USP34: variants seen among roughly 807,000 people sequenced by gnomAD.
USP34 encodes the protein ubiquitin carboxyl-terminal hydrolase 34.
In USP34, 70 loss-of-function variants were observed where a neutral mutation model predicts 460.3. The ratio of observed to expected loss-of-function variants is 0.15; its 90% CI spans 0.13 to 0.19. USP34 has a LOEUF of 0.19. USP34 is among the 10% of genes least tolerant of loss of function. The pLI is 1.00. For missense variants in USP34, 3,985 were observed against 4,236.2 expected (o/e 0.94, Z 1.65); for synonymous variants, 1,647 against 1,405.3 (o/e 1.17, Z -3.85).
intron 30 of USP34, among the ~76,000 whole-genome samples, chr2:61,295,584 T>C (rs1457651619): frequency 1.3e-5 from 2 of 152,212 alleles, no homozygotes; most frequent in Non-Finnish European, 2.9e-5. Flanking sequence ...TGTGATCTAG[T>C]TGAGTGGGTA....
intron 29 of USP34, among the ~76,000 whole-genome samples, 155 bp from the exon 30 acceptor site, chr2:61,297,080 ATT>A (rs1424854315): frequency 2.0e-5 from 3 of 152,254 alleles, no homozygotes; most frequent in African/African-American, 7.2e-5. Flanking sequence ...TATGATACAT[ATT>A]TGAGAAAATT....
At chr2:61,439,439 C>G (rs928317816) in intron 1 of USP34, among the ~76,000 whole-genome samples, 1 of 152,122 alleles carries the variant, frequency 6.6e-6, no homozygotes, top group Non-Finnish European at 1.5e-5. Flanking sequence ...CCATTCTGTC[C>G]GGCCATCCTG....
At chr2:61,449,275 G>A (rs1478801636) in intron 1 of USP34, among the ~76,000 whole-genome samples, 1 of 149,518 alleles carries the variant, frequency 6.7e-6, no homozygotes. Context: ...AAAAAAGTAG[G>A]AAACTACAAA....
Position 61,413,887 on chromosome 2 carries a change from C to T in USP34, c.131+6859G>A, listed in dbSNP as rs558064473. On this transcript the variant is annotated intron_variant, in intron 2 of 79. Coordinates refer to ENST00000398571, the MANE Select transcript of USP34 (RefSeq NM_014709.4). ...CGGAGGCTGCAGTGAGCCAAGATCG[C>T]GCCATTGCACTCCATCCTGGCGATA... 2.7e-5 allele frequency among the ~76,000 whole-genome samples: 4 copies of T among 148,936 alleles called. No homozygotes were observed. The East Asian group carries it at 5.9e-4, about 22-fold the overall frequency.
chr2:61,260,052 A>T (rs1292434750), intron 43 of USP34, among the ~76,000 whole-genome samples: 1 of 152,238 alleles, frequency 6.6e-6, no homozygotes, highest in African/African-American at 2.4e-5. Context: ...TACAATGCTG[A>T]TGATTTCCAA....
intron 1 of USP34, among the ~76,000 whole-genome samples, chr2:61,439,632 C>T (rs575800099): frequency 5.9e-5 from 9 of 152,276 alleles, no homozygotes; most frequent in Admixed American, 5.2e-4. Flanking sequence ...CCTGTGTGCT[C>T]CAAGAAGGCA....
intron 5 of USP34, among the ~76,000 whole-genome samples, chr2:61,391,863 A>C (rs1023135128): frequency 6.6e-6 from 1 of 152,336 alleles, no homozygotes; most frequent in East Asian, 1.9e-4. Context: ...ATTTTTTATA[A>C]GGAAAAGATG....
chr2:61,203,049 A>G (rs1175924398), intron 75 of USP34, 91 bp downstream of exon 75: 1 of 1,311,386 alleles, frequency 7.6e-7, no homozygotes, highest in Non-Finnish European at 1.0e-6. Context: ...AAAAAGAAAA[A>G]AAGGATTGTC....
At chr2:61,307,585 G>C (rs778978614) in intron 27 of USP34, among the ~76,000 whole-genome samples, 14 of 151,550 alleles carry the variant, frequency 9.2e-5, no homozygotes, top group Non-Finnish European at 1.9e-4. Flanking sequence ...TCTGAAAGAG[G>C]ATAAAAAACC....
chr2:61,348,947 T>G (rs1691854575), intron 13 of USP34, 61 bp from the exon 14 acceptor site: 2 of 1,514,966 alleles, frequency 1.3e-6, no homozygotes, highest in Non-Finnish European at 1.8e-6. Context: ...CTTAACAGAA[T>G]GACATTATCA....
chr2:61,419,248 T>C (rs570656917), intron 2 of USP34, among the ~76,000 whole-genome samples: 10 of 152,068 alleles, frequency 6.6e-5, no homozygotes, highest in Middle Eastern at 6.8e-3. Flanking sequence ...CTCGAACTCC[T>C]AGGCTCAAGT....
chr2:61,386,117 T>C (rs527619756), intron 5 of USP34, among the ~76,000 whole-genome samples: 7 of 150,908 alleles, frequency 4.6e-5, no homozygotes, highest in Non-Finnish European at 7.4e-5. Context: ...ATTAGGCAAA[T>C]AGAATGGTAT....
intron 2 of USP34, among the ~76,000 whole-genome samples, chr2:61,412,886 C>CAA (rs10717013): frequency 1.9e-3 from 140 of 72,516 alleles, no homozygotes; most frequent in East Asian, 0.012. Context: ...AATCCCATCT[C>CAA]AAAAAAAAAA....
chr2:61,325,894 A>AT (rs1332840862), intron 20 of USP34, among the ~76,000 whole-genome samples: 1 of 152,182 alleles, frequency 6.6e-6, no homozygotes, highest in Admixed American at 6.5e-5. Context: ...CCATAAATCT[A>AT]GTTCATGAAA....
At chr2:61,266,392 TTC>T (rs1269874161) in intron 41 of USP34, among the ~76,000 whole-genome samples, 1 of 152,176 alleles carries the variant, frequency 6.6e-6, no homozygotes, top group Non-Finnish European at 1.5e-5. Flanking sequence ...AATAAGCTCA[TTC>T]TTAGACTCTT....
intron 35 of USP34, among the ~76,000 whole-genome samples, chr2:61,284,440 C>T (rs930764757): frequency 1.3e-5 from 2 of 152,054 alleles, no homozygotes; most frequent in African/African-American, 4.8e-5. Flanking sequence ...AAATGCAATA[C>T]ATTTAGTTGA....
At chr2:61,262,744 T>A (rs887840677) in intron 43 of USP34, among the ~76,000 whole-genome samples, 1 of 152,198 alleles carries the variant, frequency 6.6e-6, no homozygotes, top group Non-Finnish European at 1.5e-5. Context: ...TTAAAGTTCT[T>A]TCAGAAATTG....
chr2:61,321,818 C>A (rs1449857775), intron 21 of USP34, among the ~76,000 whole-genome samples: 1 of 151,850 alleles, frequency 6.6e-6, no homozygotes, highest in African/African-American at 2.4e-5. Context: ...GGAGGTAATC[C>A]TAAAAATTGA....
At chr2:61,461,439 G>GA (rs145041962) in intron 1 of USP34, among the ~76,000 whole-genome samples, 59 of 148,378 alleles carry the variant, frequency 4.0e-4, no homozygotes, top group African/African-American at 1.2e-3. Context: ...CTGAAATACA[G>GA]AAAAAAAAAC....
Sources: allele counts gnomAD v4.1 joint callset (sites outside exome capture counted in the v4.1 genomes callset), GRCh38; gene constraint gnomAD v4.1.1; transcripts MANE v1.5; gene names NCBI Gene and HGNC (gene_info 2026-07-23, HGNC 2026-07-21).